The following C10orf90 variants were observed in gnomAD, a reference collection of about 807,000 sequenced individuals.
The protein encoded by C10orf90 is (E2-independent) E3 ubiquitin-conjugating enzyme FATS.
C10orf90 carries 56 observed loss-of-function variants against 62.5 expected under a neutral mutation model. The observed-to-expected ratio is 0.90, with a 90% confidence interval of 0.72 to 1.12. C10orf90 has a LOEUF of 1.12. C10orf90 is among the 50% of genes most tolerant of loss of function. C10orf90 has a pLI of 0.00. For synonymous variants in C10orf90, 386 were observed against 340.4 expected (o/e 1.13, Z -1.47); for missense variants, 970 against 880.4 (o/e 1.10, Z -1.29).
At chr10:126,641,470 C>T (rs753865892) in intron 2 of C10orf90, among the ~76,000 whole-genome samples, 58 of 152,186 alleles carry the variant, frequency 3.8e-4, no homozygotes, top group Admixed American at 1.8e-3. Context: ...CCACGCCCCC[C>T]GCCATCCGCC....
At chr10:126,557,306 C>T (rs1426652522) in intron 2 of C10orf90, among the ~76,000 whole-genome samples, 4 of 151,922 alleles carry the variant, frequency 2.6e-5, no homozygotes, top group African/African-American at 9.7e-5. Context: ...ACGGTGAAAT[C>T]CCGTCTCTAC....
intron 7 of C10orf90, among the ~76,000 whole-genome samples, chr10:126,455,777 A>T (rs1005315837): frequency 3.3e-5 from 5 of 152,044 alleles, no homozygotes; most frequent in Admixed American, 3.3e-4. Flanking sequence ...CCTGCCTCCA[A>T]ACAAGGAGTC....
At chr10:126,526,601 C>T (rs1284199529) in intron 2 of C10orf90, among the ~76,000 whole-genome samples, 1 of 152,060 alleles carries the variant, frequency 6.6e-6, no homozygotes, top group Non-Finnish European at 1.5e-5. Context: ...ATACAGTTTA[C>T]CCTTTTAAAG....
intron 2 of C10orf90, among the ~76,000 whole-genome samples, chr10:126,607,159 C>T (rs1173563174): frequency 2.0e-5 from 3 of 152,188 alleles, no homozygotes; most frequent in Non-Finnish European, 4.4e-5. Context: ...TCAGTCATCA[C>T]ACTCTTTAAC....
chr10:126,472,264 A>G lies in C10orf90; in HGVS notation c.1535-7278T>C, dbSNP rs114252880. ...TCTTTTTCTAAAGTATAAAAGCAAT[A>G]AATGATCACTGTAAAGAAAACCTGA... On this transcript the variant is annotated intron_variant, in intron 4 of 9. Transcript: ENST00000488181. 1.4e-3 allele frequency among the ~76,000 whole-genome samples: 214 copies of G among 152,378 alleles called. 1 individual carries two copies. The highest frequency in any genetic ancestry group is 5.0e-3 in the African/African-American group (207 of 41,594).
At chr10:126,455,878 G>C (rs1252802946) in intron 7 of C10orf90, among the ~76,000 whole-genome samples, 1 of 152,152 alleles carries the variant, frequency 6.6e-6, no homozygotes, top group Non-Finnish European at 1.5e-5. Context: ...AGTACAGCGG[G>C]TCCCCTGACT....
At chr10:126,610,940 T>C (rs939467349) in intron 2 of C10orf90, among the ~76,000 whole-genome samples, 1 of 152,048 alleles carries the variant, frequency 6.6e-6, no homozygotes, top group Non-Finnish European at 1.5e-5. Flanking sequence ...TTTTTCTTTC[T>C]TTTTTTGTCT....
intron 3 of C10orf90, among the ~76,000 whole-genome samples, chr10:126,506,777 G>T (rs1591035223): frequency 6.6e-6 from 1 of 152,294 alleles, no homozygotes; most frequent in Non-Finnish European, 1.5e-5. Flanking sequence ...CAGGGTATTT[G>T]CTCATTCCAA....
At chr10:126,602,758 C>CTTTT (rs150624987) in intron 2 of C10orf90, among the ~76,000 whole-genome samples, 22 of 130,710 alleles carry the variant, frequency 1.7e-4, no homozygotes, top group African/African-American at 5.7e-4. Flanking sequence ...GGGTTTTGGG[C>CTTTT]TTTTTTTTTT....
At chr10:126,584,467 G>T (rs1184782188) in intron 2 of C10orf90, among the ~76,000 whole-genome samples, 2 of 152,050 alleles carry the variant, frequency 1.3e-5, no homozygotes, top group African/African-American at 4.8e-5. Flanking sequence ...TGTCTATCCA[G>T]CTATAGAGCT....
intron 1 of C10orf90, among the ~76,000 whole-genome samples, chr10:126,667,386 A>G (rs943895281): frequency 2.0e-5 from 3 of 152,168 alleles, no homozygotes; most frequent in Admixed American, 2.0e-4. Context: ...AAAAGAATGA[A>G]TAGAAAAAGG....
At chr10:126,661,384 A>G (rs1235025602) in intron 1 of C10orf90, among the ~76,000 whole-genome samples, 1 of 152,226 alleles carries the variant, frequency 6.6e-6, no homozygotes, top group Non-Finnish European at 1.5e-5. Flanking sequence ...GTTCATATGA[A>G]TACAGATGAG....
chr10:126,427,715 G>A (rs749464007), intron 8 of C10orf90, among the ~76,000 whole-genome samples: 4 of 152,162 alleles, frequency 2.6e-5, no homozygotes, highest in Admixed American at 6.5e-5. Context: ...GGCTTGCACC[G>A]GGGGCTCTCA....
chr10:126,459,367 A>G (rs533223434), intron 6 of C10orf90, 150 bp from the exon 7 acceptor site: 8 of 874,834 alleles, frequency 9.1e-6, no homozygotes, highest in Admixed American at 4.8e-5. Flanking sequence ...TTTCTTGCAC[A>G]TCTTTGTGTA....
intron 7 of C10orf90, among the ~76,000 whole-genome samples, chr10:126,458,001 C>T (rs1859693326): frequency 6.6e-6 from 1 of 152,058 alleles, no homozygotes; most frequent in Non-Finnish European, 1.5e-5. Flanking sequence ...AAATATTTAG[C>T]CACAGGGAAG....
At chr10:126,449,069 T>C (rs1858990004) in intron 7 of C10orf90, among the ~76,000 whole-genome samples, 1 of 152,130 alleles carries the variant, frequency 6.6e-6, no homozygotes, top group Non-Finnish European at 1.5e-5. Context: ...CAAAGTCAGA[T>C]AAGAACATTT....
At chr10:126,578,981 G>A (rs546974776) in intron 2 of C10orf90, among the ~76,000 whole-genome samples, 4 of 152,076 alleles carry the variant, frequency 2.6e-5, no homozygotes, top group Non-Finnish European at 2.9e-5. Flanking sequence ...TTACATAGGT[G>A]AAGTCATTTT....
At chr10:126,536,425 G>A (rs151175541) in intron 2 of C10orf90, among the ~76,000 whole-genome samples, 3 of 152,300 alleles carry the variant, frequency 2.0e-5, no homozygotes, top group East Asian at 1.9e-4. Context: ...TACTATCTGC[G>A]TAAGGACCTC....
intron 3 of C10orf90, among the ~76,000 whole-genome samples, chr10:126,508,165 G>GAA (rs35841031): frequency 6.7e-6 from 1 of 149,136 alleles, no homozygotes; most frequent in East Asian, 2.0e-4. Flanking sequence ...GAGTGAGAGA[G>GAA]AGAGAGAGAG....
Sources: gnomAD v4.1 joint callset for allele counts (sites outside exome capture counted in the v4.1 genomes callset) on GRCh38, gnomAD v4.1.1 for gene constraint, MANE v1.5 for transcripts, NCBI Gene and HGNC (gene_info 2026-07-23, HGNC 2026-07-21) for gene names.